RUNX1: variants seen among roughly 807,000 people sequenced by gnomAD.
RUNX1 encodes RUNX family transcription factor 1, also known as runt-related transcription factor 1.
Under a neutral mutation model 42.8 loss-of-function variants are expected in RUNX1, and 19 were observed. That is an observed-to-expected ratio of 0.44 (90% CI 0.31 to 0.65). The LOEUF (loss-of-function observed/expected upper bound fraction) is 0.65, where lower values mean the gene tolerates loss of function less well. RUNX1 is among the 30% of genes least tolerant of loss of function. The probability of loss-of-function intolerance (pLI) is 0.07; values close to 1 mark genes in which losing one functional copy is unlikely to be tolerated. For synonymous variants in RUNX1, 271 were observed against 289.4 expected (o/e 0.94, Z 0.64); for missense variants, 528 against 672.0 (o/e 0.79, Z 2.37).
At chr21:34,865,460 G>A (rs909396172) in intron 5 of RUNX1, among the ~76,000 whole-genome samples, 2 of 152,162 alleles carry the variant, frequency 1.3e-5, no homozygotes, top group African/African-American at 4.8e-5. Flanking sequence ...AACAAGCCAG[G>A]CCAGTGCTCC....
chr21:35,047,555 ACACACACT>A (rs71196926), intron 2 of RUNX1, among the ~76,000 whole-genome samples: 919 of 83,920 alleles, frequency 0.011, no homozygotes, highest in Middle Eastern at 0.035. Context: ...ACACACACAC[ACACACACT>A]CTCTCTCTCT....
chr21:34,854,329 C>T (rs2057466646), intron 6 of RUNX1, among the ~76,000 whole-genome samples: 1 of 152,074 alleles, frequency 6.6e-6, no homozygotes, highest in Non-Finnish European at 1.5e-5. Flanking sequence ...CTATAACTCC[C>T]TCTAAAAACA....
intron 5 of RUNX1, among the ~76,000 whole-genome samples, chr21:34,873,589 T>C (rs538657092): frequency 3.9e-5 from 6 of 152,342 alleles, no homozygotes; most frequent in African/African-American, 1.4e-4. Flanking sequence ...AGCAGCAGAA[T>C]GGCCGTGAGC....
chr21:34,966,325 C>T (rs2058718013), intron 2 of RUNX1, among the ~76,000 whole-genome samples: 1 of 152,152 alleles, frequency 6.6e-6, no homozygotes, highest in Non-Finnish European at 1.5e-5. Context: ...TACTAAGTGC[C>T]TCACGCCACT....
chr21:35,005,791 G>A (rs960569010), intron 2 of RUNX1, among the ~76,000 whole-genome samples: 3 of 152,160 alleles, frequency 2.0e-5, no homozygotes, highest in African/African-American at 7.2e-5. Context: ...TATCTTTTAA[G>A]TACCCTTTGA....
At chr21:35,014,040 TAA>T (rs2077373486) in intron 2 of RUNX1, among the ~76,000 whole-genome samples, 1 of 152,188 alleles carries the variant, frequency 6.6e-6, no homozygotes, top group South Asian at 2.1e-4. Flanking sequence ...CATCAAATGA[TAA>T]CAGGAGACCT....
intron 4 of RUNX1, among the ~76,000 whole-genome samples, chr21:34,881,922 C>G (rs997047563): frequency 6.6e-6 from 1 of 152,066 alleles, no homozygotes; most frequent in Non-Finnish European, 1.5e-5. Context: ...ATCGAAATGC[C>G]CCAAGCTGTA....
chr21:34,871,988 T>C (rs999121577), intron 5 of RUNX1, among the ~76,000 whole-genome samples: 10 of 151,944 alleles, frequency 6.6e-5, no homozygotes, highest in Admixed American at 2.0e-4. Flanking sequence ...GGATTACAGG[T>C]ATGTGCCACC....
intron 2 of RUNX1, among the ~76,000 whole-genome samples, chr21:34,942,617 A>T (rs1044229376): frequency 6.6e-6 from 1 of 152,234 alleles, no homozygotes; most frequent in African/African-American, 2.4e-5. Flanking sequence ...AATATGAGTG[A>T]TCCTTTGCAG....
intron 2 of RUNX1, among the ~76,000 whole-genome samples, chr21:34,942,454 ATT>A (rs1431447815): frequency 1.3e-5 from 2 of 152,302 alleles, no homozygotes; most frequent in East Asian, 3.9e-4. Context: ...GTCATTCACC[ATT>A]TACCTCCAGA....
At chr21:35,037,084 G>C (rs1403930988) in intron 2 of RUNX1, among the ~76,000 whole-genome samples, 2 of 152,206 alleles carry the variant, frequency 1.3e-5, no homozygotes, top group Non-Finnish European at 2.9e-5. Flanking sequence ...TGCAAGGTCA[G>C]CCTTGTACAA....
At position 34,790,131 on chromosome 21, in the gene RUNX1, A is replaced by G. The variant is rs1280609864; in HGVS notation, c.*2004T>C. 8.6e-6 allele frequency: 2 copies of G among 233,142 alleles called. No individual in the cohort carries two copies. Among genetic ancestry groups the G allele is most frequent in the Non-Finnish European group, 1.7e-5 (2 of 117,826 alleles). 14.4% of individuals were successfully genotyped at this position (233,142 alleles called of 1,614,324 possible). On this transcript the variant is annotated 3_prime_UTR_variant, in exon 9 of 9. Coordinates refer to ENST00000675419, the MANE Select transcript of RUNX1 (RefSeq NM_001754.5). ...TCTGAGTTTGTCCGAGATCTGCTAT[A>G]GCTCTTCTCTAGATAAGAACGACCT... is the stretch of plus-strand genomic sequence containing the variant.
chr21:34,888,949 G>GGGGCCCCGCCCGCGTGC (rs2058040114), intron 3 of RUNX1, among the ~76,000 whole-genome samples: 2 of 151,486 alleles, frequency 1.3e-5, no homozygotes, highest in African/African-American at 2.4e-5. Flanking sequence ...ATGCTGGCCC[G>GGGGCCCCGCCCGCGTGC]GGGCCCCGCC....
At chr21:34,854,999 C>A (rs1374473060) in intron 6 of RUNX1, among the ~76,000 whole-genome samples, 1 of 152,116 alleles carries the variant, frequency 6.6e-6, no homozygotes, top group Non-Finnish European at 1.5e-5. Flanking sequence ...AGAGCTCAAG[C>A]AGAACACAGT....
chr21:34,864,893 T>C (rs1404368197), intron 5 of RUNX1, among the ~76,000 whole-genome samples: 2 of 152,064 alleles, frequency 1.3e-5, no homozygotes, highest in African/African-American at 4.8e-5. Context: ...AAGAATTCCA[T>C]ATAAAATCCC....
At chr21:35,045,621 G>A (rs73900785) in intron 2 of RUNX1, among the ~76,000 whole-genome samples, 2,857 of 152,160 alleles carry the variant, frequency 0.019, 97 homozygotes, top group African/African-American at 0.065. Flanking sequence ...CAGCCTTGCC[G>A]ACACCTTGAT....
intron 7 of RUNX1, among the ~76,000 whole-genome samples, chr21:34,819,606 C>T (rs1231853192): frequency 6.6e-6 from 1 of 152,232 alleles, no homozygotes; most frequent in African/African-American, 2.4e-5. Context: ...CACCCTGACC[C>T]TGAATTCATG....
At position 35,003,356 on chromosome 21, in the gene RUNX1, G is replaced by A. The variant is rs201292128; in HGVS notation, c.58+45486C>T. 7.2e-5 allele frequency among the ~76,000 whole-genome samples: 11 copies of A among 152,136 alleles called. No individual in the cohort carries two copies. In the East Asian group the frequency reaches 1.2e-3, roughly 16 times the overall value. On this transcript the variant is annotated intron_variant, in intron 2 of 8. Transcript: ENST00000675419. ...CAGCTGGTAGGAAAATCATGGGTTC[G>A]CCTGCATGTGAGTAACAAGGACGAA... is the stretch of plus-strand genomic sequence containing the variant.
chr21:34,814,570 C>G (rs2056799989), intron 7 of RUNX1, among the ~76,000 whole-genome samples: 1 of 152,234 alleles, frequency 6.6e-6, no homozygotes, highest in Admixed American at 6.5e-5. Flanking sequence ...CTCCTCCAGT[C>G]TCGCAAGCTT....
Sources: gnomAD v4.1 joint callset for allele counts (sites outside exome capture counted in the v4.1 genomes callset) on GRCh38, gnomAD v4.1.1 for gene constraint, MANE v1.5 for transcripts, NCBI Gene and HGNC (gene_info 2026-07-23, HGNC 2026-07-21) for gene names.